BCL9L: variants seen among roughly 807,000 people sequenced by gnomAD.
BCL9L encodes the protein B-cell CLL/lymphoma 9-like protein.
Under a neutral mutation model 99.4 loss-of-function variants are expected in BCL9L, and 19 were observed. That is an observed-to-expected ratio of 0.19 (90% CI 0.13 to 0.28). The LOEUF (loss-of-function observed/expected upper bound fraction) is 0.28. Among genes scored for constraint, BCL9L ranks in the 10% least tolerant of loss-of-function variants. The pLI, the probability that BCL9L is intolerant of heterozygous loss-of-function variation, is 1.00. For missense variants in BCL9L, 2,023 were observed against 2,101.6 expected, an observed-to-expected ratio of 0.96 and a Z score of 0.73; for synonymous variants, 900 against 854.8, an observed-to-expected ratio of 1.05 and a Z score of -0.92.
Position 118,907,437 on chromosome 11 carries a change from C to T in BCL9L, c.532+46G>A, listed in dbSNP as rs766250084. On this transcript the variant is annotated intron_variant, in intron 5 of 9. Coordinates refer to ENST00000683865, the MANE Select transcript of BCL9L (RefSeq NM_001378213.1). Reference sequence around the variant, plus strand: ...GCTCAGTCCTCTCAAGTCCATCCCCCAGGAACATCACGGGCTACAGCACCC... The same window carrying T: ...GCTCAGTCCTCTCAAGTCCATCCCCTAGGAACATCACGGGCTACAGCACCC... The T allele has an allele frequency of 4.3e-6, 7 of 1,613,680 alleles. No homozygotes were observed. The South Asian group carries it at 7.7e-5, about 18-fold the overall frequency.
At chr11:118,910,658 A>AGAGC (rs200787294) in intron 2 of BCL9L, 5 of 147,114 alleles carry the variant, frequency 3.4e-5, no homozygotes, top group African/African-American at 9.9e-5. Context: ...GCGGAGAGGC[A>AGAGC]GAGCGAGCGA....
At chr11:118,917,286 T>G (rs1429066412) in intron 2 of BCL9L, among the ~76,000 whole-genome samples, 1 of 152,194 alleles carries the variant, frequency 6.6e-6, no homozygotes, top group Admixed American at 6.5e-5. Context: ...TGAAGAGCTC[T>G]GACTAATCAA....
In BCL9L at chr11:118,900,485, C is replaced by T; in HGVS notation, c.3124+134G>A. ...GAAAGCCCACAAATGTCATCATCTG[C>T]CCCATAAGCAGAGCCATCCACCTCT... On this transcript the variant is annotated intron_variant, in intron 8 of 9. Coordinates refer to ENST00000683865, the MANE Select transcript of BCL9L (RefSeq NM_001378213.1). The surrounding 1 kb of genome is among the most constrained non-coding windows in gnomAD (Gnocchi z 5.3). 7.0e-7 allele frequency: 1 copy of T among 1,419,748 alleles called. No homozygotes were observed. 87.9% of individuals were successfully genotyped at this position (1,419,748 alleles called of 1,614,324 possible). A position where few individuals can be genotyped will look rare whatever the true frequency, so the allele number is the denominator to read the frequency against.
chr11:118,914,165 G>A lies in BCL9L; in HGVS notation c.-76-4150C>T, dbSNP rs1940894106. ...GTAACTTCCCAAGCCTGGGTTCCCA[G>A]AACAGGCAGAGATGGGCAAGGCAGC... On this transcript the variant is annotated intron_variant, in intron 2 of 9. Coordinates refer to ENST00000683865, the MANE Select transcript of BCL9L (RefSeq NM_001378213.1). The surrounding 1 kb of genome is among the most constrained non-coding windows in gnomAD (Gnocchi z 4.4). Among the ~76,000 whole-genome samples, 1 of 152,184 alleles carries A rather than the reference G, an allele frequency of 6.6e-6. No homozygotes were observed. Among genetic ancestry groups the A allele is most frequent in the African/African-American group, 2.4e-5 (1 of 41,442 alleles).
chr11:118,911,105 G>T, intron 2 of BCL9L: 1 of 378,262 alleles, frequency 2.6e-6, no homozygotes, highest in Non-Finnish European at 5.4e-6. Context: ...AAAGAAACAC[G>T]CACAGGGCCA....
At chr11:118,910,384 T>G in intron 2 of BCL9L, 1 of 174,182 alleles carries the variant, frequency 5.7e-6, no homozygotes, top group Non-Finnish European at 1.2e-5. Flanking sequence ...GTACCCCTCG[T>G]GCCCCACCCC....
At chr11:118,911,567 G>A (rs1156981520) in intron 2 of BCL9L, among the ~76,000 whole-genome samples, 4 of 152,210 alleles carry the variant, frequency 2.6e-5, no homozygotes, top group Non-Finnish European at 1.5e-5. Context: ...GAGATACCAG[G>A]GCTCTGAGCA....
In BCL9L at chr11:118,899,345, G is replaced by T. The variant is rs12277303; in HGVS notation, c.3570C>A (p.Asn1190Lys). The change falls in exon 10 of 10, where the codon AAC becomes AAA. Residue 1190 changes from asparagine to lysine, a missense_variant. Around this residue, in one of 3 missense-constraint regions of BCL9L, gnomAD observed 902 missense variants for 888.2 expected, o/e 1.02. Coordinates refer to ENST00000683865, the MANE Select transcript of BCL9L (RefSeq NM_001378213.1). The stretch of plus-strand genomic sequence containing the variant: ...GAGGGGGCCCCCCTGTCCCCTGTGC[G>T]TTGGGATGCAGTGGAATGTTGGAGC... Reference protein sequence around the residue: ...PLGSNIPLHPNAQGTGGPPQN... With the variant: ...PLGSNIPLHPKAQGTGGPPQN... The T allele has an allele frequency of 6.3e-7, 1 of 1,579,710 alleles. No individual in the cohort carries two copies. The highest frequency in any genetic ancestry group is 1.3e-5 in the African/African-American group (1 of 74,476).
chr11:118,912,351 T>G (rs1389221733), intron 2 of BCL9L, among the ~76,000 whole-genome samples: 1 of 151,626 alleles, frequency 6.6e-6, no homozygotes, highest in Non-Finnish European at 1.5e-5. Flanking sequence ...GGGGGTTAGG[T>G]GGGGAGGGGT....
chr11:118,917,357 T>G (rs1940996158), intron 2 of BCL9L, among the ~76,000 whole-genome samples: 1 of 152,230 alleles, frequency 6.6e-6, no homozygotes. Flanking sequence ...CAGTCCTAAA[T>G]GCTTCACGTG....
intron 4 of BCL9L, 82 bp downstream of exon 4, chr11:118,908,188 G>A: frequency 1.3e-6 from 2 of 1,491,514 alleles, no homozygotes; most frequent in Non-Finnish European, 1.8e-6. Flanking sequence ...GACAAGCAGG[G>A]AGCAGAGAGG....
chr11:118,907,948 T>C (rs1940597171), intron 4 of BCL9L, among the ~76,000 whole-genome samples: 1 of 152,192 alleles, frequency 6.6e-6, no homozygotes, highest in South Asian at 2.1e-4. Context: ...ATACGGAGGC[T>C]CCTGGAAGTG....
In BCL9L at chr11:118,897,465, C is replaced by T. The variant is rs769215527; in HGVS notation, c.*950G>A. 3.7e-6 allele frequency: 1 copy of T among 268,114 alleles called. No homozygotes were observed. The allele number at this position is 268,114 out of a possible 1,614,324, so 16.6% of individuals were successfully genotyped here. A position where few individuals can be genotyped will look rare whatever the true frequency, so the allele number is the denominator to read the frequency against. ...CCCGTGTCACCGGTGTGGGCAAACA[C>T]ACATGCACGTGCACACATGTTCTCC... On this transcript the variant is annotated 3_prime_UTR_variant, in exon 10 of 10. Transcript: ENST00000683865.
rs907606542 is a variant in BCL9L at position 118,897,895 on chromosome 11, G to C, written c.*520C>G. 2.0e-5 allele frequency: 9 copies of C among 455,574 alleles called. No homozygotes were observed. Among genetic ancestry groups the C allele is most frequent in the Non-Finnish European group, 4.0e-5 (9 of 227,424 alleles). The allele number at this position is 455,574 out of a possible 1,614,324, so 28.2% of individuals were successfully genotyped here. ...GCCGCCTGCAGGGAGGGGTGGGAGA[G>C]GGGTCAGCCACATCAGCAGGGAAAG... On this transcript the variant is annotated 3_prime_UTR_variant, in exon 10 of 10. Coordinates refer to ENST00000683865, the MANE Select transcript of BCL9L (RefSeq NM_001378213.1).
At position 118,901,456 on chromosome 11, in the gene BCL9L, G is replaced by T; in HGVS notation, c.2287C>A (p.Pro763Thr). ...MGQSGLREVD[P>T]PMGPGNLNMN... Reference sequence around the variant, plus strand: ...TTGAGGTTGCCTGGCCCCATGGGTGGGTCCACCTCCCTCAGCCCAGACTGC... The same window carrying T: ...TTGAGGTTGCCTGGCCCCATGGGTGTGTCCACCTCCCTCAGCCCAGACTGC... Residue 763 changes from proline (P) to threonine (T), a missense_variant, in exon 8 of 10, where the codon CCA becomes ACA. Transcript: ENST00000683865. The surrounding 1 kb of genome is among the most constrained non-coding windows in gnomAD (Gnocchi z 6.6). The T allele has an allele frequency of 1.2e-6, 2 of 1,614,068 alleles. No homozygotes were observed. The highest frequency in any genetic ancestry group is 1.7e-6 in the Non-Finnish European group (2 of 1,179,984).
At position 118,901,075 on chromosome 11, in the gene BCL9L, T is replaced by C. The variant is rs1406212966; in HGVS notation, c.2668A>G (p.Met890Val). ...GGATTGGACGCAGGGGGCAGAGGCA[T>C]GTGGCTGAGCCGGGTGGTGCCCACG... Reference protein sequence around the residue: ...SNVGTTRLSHMPLPPASNPPG... With the variant: ...SNVGTTRLSHVPLPPASNPPG... The change falls in exon 8 of 10, where the codon ATG becomes GTG. Residue 890 changes from methionine (M) to valine (V), a missense_variant. Around this residue, in one of 3 missense-constraint regions of BCL9L, gnomAD observed 902 missense variants for 888.2 expected, o/e 1.02. Coordinates refer to ENST00000683865, the MANE Select transcript of BCL9L (RefSeq NM_001378213.1). The surrounding 1 kb of genome is among the most constrained non-coding windows in gnomAD (Gnocchi z 6.6). 3.1e-6 allele frequency: 5 copies of C among 1,605,038 alleles called. No homozygotes were observed. Among genetic ancestry groups the C allele is most frequent in the Non-Finnish European group, 4.3e-6 (5 of 1,174,934 alleles).
Position 118,900,101 on chromosome 11 carries a change from G to A in BCL9L, c.3222C>T (p.Ser1074=), listed in dbSNP as rs1022293245. The stretch of plus-strand genomic sequence containing the variant: ...GGTTCTGGGAAGGTGTGGGGTCTGG[G>A]GAGGAAGTGAATGGTAGGCTGGGGT... ...LMNPSLPFTS[S]PDPTPSQNPL... Residue 1074 remains serine (S), a synonymous_variant, in exon 9 of 10, where the codon TCC becomes TCT. Transcript: ENST00000683865. The surrounding 1 kb of genome is among the most constrained non-coding windows in gnomAD (Gnocchi z 5.3). 6.2e-7 allele frequency: 1 copy of A among 1,614,024 alleles called. No individual in the cohort carries two copies. Among genetic ancestry groups the A allele is most frequent in the Non-Finnish European group, 8.5e-7 (1 of 1,179,954 alleles).
chr11:118,898,874 G>T lies in BCL9L; in HGVS notation c.4041C>A (p.Asn1347Lys), dbSNP rs370931863. The change falls in exon 10 of 10, where the codon AAC becomes AAA. Residue 1347 changes from asparagine (N) to lysine (K), a missense_variant. This residue lies in a region of BCL9L where 902 missense variants were observed against 888.2 expected (regional missense o/e 1.02). Transcript: ENST00000683865. ...STLQYFPKSE[N>K]QPPKAQPPNL... is the part of the protein sequence containing the mutation. ...TAGGGGGCTGAGCCTTGGGGGGCTG[G>T]TTCTCGCTCTTGGGGAAGTACTGGA... 4 of 1,614,096 alleles carry T rather than the reference G, an allele frequency of 2.5e-6. No individual in the cohort carries two copies. The highest frequency in any genetic ancestry group is 2.5e-6 in the Non-Finnish European group (3 of 1,179,990).
In BCL9L at chr11:118,903,176, C is replaced by T. The variant is rs962027723; in HGVS notation, c.749+60G>A. 2 of 1,569,894 alleles carry T rather than the reference C, an allele frequency of 1.3e-6. No homozygotes were observed. Among genetic ancestry groups the T allele is most frequent in the Non-Finnish European group, 1.7e-6 (2 of 1,157,298 alleles). On this transcript the variant is annotated intron_variant, in intron 6 of 9. Coordinates refer to ENST00000683865, the MANE Select transcript of BCL9L (RefSeq NM_001378213.1). The surrounding 1 kb of genome is among the most constrained non-coding windows in gnomAD (Gnocchi z 5.6). ...CCTGCACGGGGCTCCCTCGGAACCC[C>T]AGGCTGAGAGGTGCTGGGCAGAGAG...
Sources: allele counts gnomAD v4.1 joint callset (sites outside exome capture counted in the v4.1 genomes callset), GRCh38; gene constraint gnomAD v4.1.1; regional missense constraint gnomAD v4.1.1; non-coding constraint Gnocchi (gnomAD v3.1); transcripts MANE v1.5; gene names NCBI Gene and HGNC (gene_info 2026-07-23, HGNC 2026-07-21).